The following PLLP variants were observed in gnomAD, a reference collection of about 807,000 sequenced individuals.
PLLP encodes the protein plasmolipin, also known as plasma membrane proteolipid (plasmolipin).
PLLP carries 15 observed loss-of-function variants against 19.7 expected under a neutral mutation model. The observed-to-expected ratio is 0.76, with a 90% CI of 0.51 to 1.17. The LOEUF is 1.17. Among genes scored for constraint, PLLP ranks in the 50% most tolerant of loss-of-function variants. PLLP has a pLI of 0.00. For synonymous variants in PLLP, 111 were observed against 116.3 expected, an observed-to-expected ratio of 0.95 and a Z score of 0.29; for missense variants, 255 against 258.3, an observed-to-expected ratio of 0.99 and a Z score of 0.09.
intron 2 of PLLP, among the ~76,000 whole-genome samples, chr16:57,259,604 T>C (rs1327145933): frequency 1.3e-5 from 2 of 152,194 alleles, no homozygotes; most frequent in Non-Finnish European, 2.9e-5. Flanking sequence ...GTTCGTCCAA[T>C]ATACTTTTAA....
chr16:57,261,911 G>A lies in PLLP; in HGVS notation c.295C>T (p.Pro99Ser). Residue 99 changes from proline (P) to serine (S), a missense_variant, in exon 2 of 4, where the codon CCC becomes TCC. Physicochemically the swap from Pro to Ser is moderately conservative, Grantham distance 74. Coordinates refer to ENST00000219207, the MANE Select transcript of PLLP (RefSeq NM_015993.3). ...FQLHMKLYMV[P>S]WPLVLMIFNI... Reference sequence around the variant, plus strand: ...CCCAGACTCACCACCAGTGGCCAGGGAACCATGTACAACTTCATGTGCAGC... The same window carrying A: ...CCCAGACTCACCACCAGTGGCCAGGAAACCATGTACAACTTCATGTGCAGC... 1.9e-6 allele frequency: 3 copies of A among 1,614,002 alleles called. No homozygotes were observed. The highest frequency in any genetic ancestry group is 1.3e-5 in the African/African-American group (1 of 75,022).
rs748373068 is a variant in PLLP at position 57,258,494 on chromosome 16, T to A, written c.400A>T (p.Thr134Ser). ...AAVDLTSLRG[T>S]RPYNQRAAAS... is the part of the protein sequence containing the mutation. ...GCCGCGCGCTGGTTATAAGGCCGGG[T>A]GCCCCTCAGGGATGTCAGGTCAACT... The change falls in exon 3 of 4, where the codon ACC (threonine) becomes TCC (serine). Residue 134 changes from threonine (T) to serine (S), a missense_variant. Thr to Ser is a moderately conservative substitution (Grantham distance 58, BLOSUM62 1). Transcript: ENST00000219207. The A allele has an allele frequency of 1.9e-6, 3 of 1,612,568 alleles. No individual in the cohort carries two copies. The Admixed American group carries it at 5.0e-5, about 27-fold the overall frequency.
At chr16:57,269,942 T>C (rs1015953026) in intron 1 of PLLP, among the ~76,000 whole-genome samples, 1 of 152,122 alleles carries the variant, frequency 6.6e-6, no homozygotes, top group African/African-American at 2.4e-5. Context: ...CTAATTTTTG[T>C]ATTTTTGGTA....
intron 1 of PLLP, among the ~76,000 whole-genome samples, chr16:57,275,093 TCACACACACACA>T (rs60029615): frequency 8.2e-6 from 1 of 121,362 alleles, no homozygotes; most frequent in Non-Finnish European, 1.8e-5. Context: ...TCCAGGGACT[TCACACACACACA>T]CACACACACA....
intron 2 of PLLP, 98 bp from the exon 3 acceptor site, chr16:57,258,682 G>A (rs901808060): frequency 1.4e-5 from 17 of 1,235,202 alleles, no homozygotes; most frequent in Middle Eastern, 2.6e-4. Flanking sequence ...AGCACTTTGC[G>A]GGGCTGAAGT....
intron 1 of PLLP, among the ~76,000 whole-genome samples, chr16:57,280,911 C>T (rs1357473120): frequency 3.9e-5 from 6 of 152,242 alleles, no homozygotes; most frequent in Admixed American, 3.9e-4. Flanking sequence ...AGTGTATCTC[C>T]TTCTCCAGGA....
At chr16:57,283,272 C>T (rs11861890) in intron 1 of PLLP, among the ~76,000 whole-genome samples, 1 of 151,990 alleles carries the variant, frequency 6.6e-6, no homozygotes, top group Non-Finnish European at 1.5e-5. Flanking sequence ...GGGGAGGGGG[C>T]CCACAGAGAT....
At position 57,256,662 on chromosome 16, in the gene PLLP, T is replaced by C; in HGVS notation, c.*251A>G. On this transcript the variant is annotated 3_prime_UTR_variant, in exon 4 of 4. Coordinates refer to ENST00000219207, the MANE Select transcript of PLLP (RefSeq NM_015993.3). ...CAGAGACACAGCCTCAGATCCCCCG[T>C]CATCTTCCACTGAATAAGGGGGATG... 1 of 481,732 alleles carries C rather than the reference T, an allele frequency of 2.1e-6. No homozygotes were observed. The highest frequency in any genetic ancestry group is 3.3e-5 in the East Asian group (1 of 30,088). 29.8% of individuals were successfully genotyped at this position (481,732 alleles called of 1,614,324 possible).
intron 1 of PLLP, among the ~76,000 whole-genome samples, chr16:57,275,128 C>CAT (rs1323138215): frequency 1.9e-5 from 1 of 52,112 alleles, no homozygotes; most frequent in Non-Finnish European, 4.3e-5. Flanking sequence ...CACACACACA[C>CAT]ATGCATTTCA....
chr16:57,265,356 C>G (rs528183273), intron 1 of PLLP, among the ~76,000 whole-genome samples: 21 of 152,382 alleles, frequency 1.4e-4, no homozygotes, highest in African/African-American at 5.0e-4. Flanking sequence ...TCGGGCAGCA[C>G]GCCTCCGTCC....
At chr16:57,272,985 C>T (rs376015608) in intron 1 of PLLP, among the ~76,000 whole-genome samples, 3 of 151,252 alleles carry the variant, frequency 2.0e-5, no homozygotes, top group East Asian at 2.0e-4. Context: ...GGGGTCCAGG[C>T]GCGGTGGCTC....
chr16:57,257,840 G>T (rs143949759), intron 3 of PLLP, among the ~76,000 whole-genome samples: 2 of 152,196 alleles, frequency 1.3e-5, no homozygotes, highest in African/African-American at 4.8e-5. Flanking sequence ...AAGGGGGCAC[G>T]TGACCCTAAG....
chr16:57,257,601 C>T (rs1452172415), intron 3 of PLLP, among the ~76,000 whole-genome samples: 1 of 152,198 alleles, frequency 6.6e-6, no homozygotes, highest in Non-Finnish European at 1.5e-5. Context: ...TAGTCCCTTC[C>T]TCTCCCTCAC....
chr16:57,266,413 G>C (rs2075457494), intron 1 of PLLP, among the ~76,000 whole-genome samples: 1 of 152,200 alleles, frequency 6.6e-6, no homozygotes, highest in African/African-American at 2.4e-5. Context: ...GGTTTCTCCT[G>C]GTTCCTGAGC....
chr16:57,272,829 T>C (rs1901090288), intron 1 of PLLP, among the ~76,000 whole-genome samples: 1 of 152,074 alleles, frequency 6.6e-6, no homozygotes, highest in East Asian at 1.9e-4. Flanking sequence ...ATGGGGTGCA[T>C]GCCTGTGGTC....
chr16:57,268,887 C>T (rs1414806371), intron 1 of PLLP, among the ~76,000 whole-genome samples: 7 of 152,188 alleles, frequency 4.6e-5, no homozygotes, highest in African/African-American at 9.7e-5. Context: ...GCATTCGCCA[C>T]GGTGTGTGAG....
chr16:57,278,932 A>G (rs1489678970), intron 1 of PLLP, among the ~76,000 whole-genome samples: 1 of 152,172 alleles, frequency 6.6e-6, no homozygotes, highest in Non-Finnish European at 1.5e-5. Flanking sequence ...AGCCGGTATC[A>G]CCATAAGGAA....
At chr16:57,271,632 C>T (rs2146445897) in intron 1 of PLLP, among the ~76,000 whole-genome samples, 1 of 151,154 alleles carries the variant, frequency 6.6e-6, no homozygotes, top group East Asian at 1.9e-4. Context: ...GCAATAAGAG[C>T]AAAACTCTGT....
chr16:57,258,609 G>C, intron 2 of PLLP, 25 bp from the exon 3 acceptor site: 1 of 1,610,618 alleles, frequency 6.2e-7, no homozygotes. Context: ...GGTAGGGAGT[G>C]GGGAGAGAAA....
Sources: allele counts gnomAD v4.1 joint callset (sites outside exome capture counted in the v4.1 genomes callset), GRCh38; gene constraint gnomAD v4.1.1; transcripts MANE v1.5; gene names NCBI Gene and HGNC (gene_info 2026-07-23, HGNC 2026-07-21).